Variants in CDH18 observed in about 807,000 individuals in gnomAD.
CDH18 encodes the protein cadherin 18, also known as cadherin-18.
In CDH18, 31 loss-of-function variants were observed where a neutral mutation model predicts 67.9. The observed-to-expected ratio is 0.46, with a 90% CI of 0.34 to 0.62. CDH18 has a LOEUF of 0.62. Ranked by LOEUF, CDH18 falls within the 20% of genes least tolerant of loss-of-function variation. The pLI, the probability that CDH18 is intolerant of heterozygous loss-of-function variation, is 0.01. For synonymous variants in CDH18, 362 were observed against 347.2 expected (o/e 1.04, Z -0.48); for missense variants, 890 against 975.5 (o/e 0.91, Z 1.17).
At chr5:20,137,456 T>C (rs1749829705) in intron 2 of CDH18, among the ~76,000 whole-genome samples, 2 of 152,130 alleles carry the variant, frequency 1.3e-5, no homozygotes, top group African/African-American at 2.4e-5. Flanking sequence ...GTCTTCTCTA[T>C]GCTGTTTATT....
chr5:19,977,443 G>A (rs995043981), intron 2 of CDH18, among the ~76,000 whole-genome samples: 9 of 152,160 alleles, frequency 5.9e-5, no homozygotes, highest in Non-Finnish European at 1.3e-4. Flanking sequence ...TGGACAATTT[G>A]TGCCAGTATT....
intron 1 of CDH18, among the ~76,000 whole-genome samples, chr5:20,357,977 T>G (rs1310112414): frequency 1.3e-5 from 2 of 151,902 alleles, no homozygotes; most frequent in African/African-American, 4.8e-5. Context: ...CCATAAAAAA[T>G]GAAATCATGT....
chr5:20,494,242 A>T (rs1035274438), intron 1 of CDH18, among the ~76,000 whole-genome samples: 10 of 152,180 alleles, frequency 6.6e-5, no homozygotes, highest in African/African-American at 1.9e-4. Flanking sequence ...AAATGAAAAT[A>T]AAAAAATCAT....
chr5:20,449,067 T>G lies in CDH18; in HGVS notation c.-580+126395A>C, dbSNP rs527914925. On this transcript the variant is annotated intron_variant, in intron 1 of 14. Coordinates refer to the CDH18 transcript ENST00000507958. ...TAAGTACATTGGAATAAATGTATGA[T>G]ACCACCAACAATTTTTCACATATAT... Among the ~76,000 whole-genome samples the G allele has an allele frequency of 5.3e-5, 8 of 152,230 alleles. No homozygotes were observed. The South Asian group carries it at 1.7e-3, about 32-fold the overall frequency.
chr5:19,565,068 G>C lies in CDH18; in HGVS notation c.1253+6511C>G, dbSNP rs1740132898. Among the ~76,000 whole-genome samples the C allele has an allele frequency of 2.0e-5, 3 of 151,524 alleles. No homozygotes were observed. The South Asian group carries it at 6.3e-4, about 32-fold the overall frequency. ...TTCCTAAGGTTCTCGAATCCAGGCT[G>C]TGGCTCCTGGACAGCATTTCTAGAC... On this transcript the variant is annotated intron_variant, in intron 8 of 12. Coordinates refer to ENST00000382275, the MANE Select transcript of CDH18 (RefSeq NM_004934.5).
At chr5:19,697,810 T>C (rs547722016) in intron 5 of CDH18, among the ~76,000 whole-genome samples, 1 of 152,252 alleles carries the variant, frequency 6.6e-6, no homozygotes, top group South Asian at 2.1e-4. Flanking sequence ...ATCCCATGAA[T>C]TTTCAGAAAG....
chr5:19,769,978 CA>C (rs1773551034), intron 3 of CDH18, among the ~76,000 whole-genome samples: 1 of 151,810 alleles, frequency 6.6e-6, no homozygotes, highest in Non-Finnish European at 1.5e-5. Flanking sequence ...TAAAGATAAT[CA>C]ACATCATTAG....
chr5:19,608,178 A>T (rs139270595), intron 6 of CDH18, among the ~76,000 whole-genome samples: 538 of 151,864 alleles, frequency 3.5e-3, no homozygotes, highest in Middle Eastern at 0.024. Context: ...AATACTAAAC[A>T]TGCAGCTGCA....
At chr5:20,107,863 T>C (rs767981442) in intron 2 of CDH18, among the ~76,000 whole-genome samples, 83 of 151,998 alleles carry the variant, frequency 5.5e-4, no homozygotes, top group Admixed American at 1.4e-3. Context: ...GTACTGCACC[T>C]ATTAACTCGT....
chr5:20,426,601 G>A (rs187261166), intron 1 of CDH18, among the ~76,000 whole-genome samples: 1 of 150,764 alleles, frequency 6.6e-6, no homozygotes, highest in East Asian at 1.9e-4. Flanking sequence ...TCAAAGTCAC[G>A]CCAGTTTTAG....
intron 1 of CDH18, among the ~76,000 whole-genome samples, chr5:20,457,395 C>T (rs1268652616): frequency 1.3e-5 from 2 of 152,118 alleles, no homozygotes; most frequent in African/African-American, 4.8e-5. Context: ...TTACATATCT[C>T]AACACATTCA....
At chr5:20,019,633 C>A (rs151176829) in intron 2 of CDH18, among the ~76,000 whole-genome samples, 1,750 of 152,294 alleles carry the variant, frequency 0.011, 42 homozygotes, top group African/African-American at 0.04. Flanking sequence ...TGTACATTTC[C>A]TGAGGCCTCC....
At chr5:19,823,775 A>G (rs1174020841) in intron 3 of CDH18, among the ~76,000 whole-genome samples, 1 of 152,152 alleles carries the variant, frequency 6.6e-6, no homozygotes, top group Admixed American at 6.5e-5. Context: ...CAGAATACAC[A>G]TTCTTCTGGT....
At chr5:20,049,563 A>G (rs1238392051) in intron 2 of CDH18, among the ~76,000 whole-genome samples, 1 of 151,838 alleles carries the variant, frequency 6.6e-6, no homozygotes, top group Non-Finnish European at 1.5e-5. Context: ...AGAGTAACTG[A>G]TGAAGTTTAA....
chr5:20,064,822 T>A (rs1742829688), intron 2 of CDH18, among the ~76,000 whole-genome samples: 1 of 152,050 alleles, frequency 6.6e-6, no homozygotes, highest in African/African-American at 2.4e-5. Context: ...GTGAAACAAT[T>A]GAGATAATGC....
intron 1 of CDH18, among the ~76,000 whole-genome samples, chr5:20,276,731 G>T (rs1304500174): frequency 2.6e-5 from 4 of 152,180 alleles, no homozygotes; most frequent in African/African-American, 9.6e-5. Context: ...TGGATTCTAG[G>T]CCTTGGCTCT....
chr5:20,312,486 G>C (rs62352786), intron 1 of CDH18, among the ~76,000 whole-genome samples: 258 of 152,248 alleles, frequency 1.7e-3, no homozygotes, highest in Non-Finnish European at 3.0e-3. Context: ...TCGGCATTTG[G>C]ATGAAGAAAT....
At chr5:19,664,165 T>C (rs1227439759) in intron 5 of CDH18, among the ~76,000 whole-genome samples, 2 of 151,914 alleles carry the variant, frequency 1.3e-5, no homozygotes, top group Non-Finnish European at 2.9e-5. Context: ...AAATTTCTAT[T>C]TGACATTCAC....
intron 11 of CDH18, 47 bp from the exon 12 acceptor site, chr5:19,483,599 T>C (rs1006722627): frequency 8.5e-6 from 13 of 1,527,320 alleles, no homozygotes; most frequent in Middle Eastern, 1.9e-4. Flanking sequence ...CAAGCCGCCA[T>C]TCAAGATTCA....
Sources: allele counts gnomAD v4.1 joint callset (sites outside exome capture counted in the v4.1 genomes callset), GRCh38; gene constraint gnomAD v4.1.1; transcripts MANE v1.5; gene names NCBI Gene and HGNC (gene_info 2026-07-23, HGNC 2026-07-21).